Variants in GRB14 observed in about 807,000 individuals in gnomAD.
GRB14 encodes the protein growth factor receptor-bound protein 14.
In GRB14, 38 loss-of-function variants were observed where a neutral mutation model predicts 69.1. That is an observed-to-expected ratio of 0.55 (90% CI 0.42 to 0.72). GRB14 has a LOEUF of 0.72. GRB14 is among the 30% of genes least tolerant of loss of function. The pLI, the probability that GRB14 is intolerant of heterozygous loss-of-function variation, is 0.00. For missense variants in GRB14, 666 were observed against 666.1 expected, an observed-to-expected ratio of 1.00 and a Z score of 0.00; for synonymous variants, 247 against 241.3, an observed-to-expected ratio of 1.02 and a Z score of -0.22.
At chr2:164,573,830 G>C in intron 2 of GRB14, 1 of 1,612,800 alleles carries the variant, frequency 6.2e-7, no homozygotes, top group Non-Finnish European at 8.5e-7. Flanking sequence ...CATGACTCCA[G>C]AAGAAGCTGA....
chr2:164,537,503 G>A (rs952809388), intron 3 of GRB14, among the ~76,000 whole-genome samples: 2 of 152,230 alleles, frequency 1.3e-5, no homozygotes, highest in African/African-American at 4.8e-5. Flanking sequence ...ATGAAGGGCA[G>A]ACAGGTCACA....
At chr2:164,513,802 C>T (rs139018977) in intron 6 of GRB14, among the ~76,000 whole-genome samples, 2 of 152,258 alleles carry the variant, frequency 1.3e-5, no homozygotes, top group East Asian at 1.9e-4. Flanking sequence ...AAAGAAGCAA[C>T]AGTGTTGTCA....
chr2:164,615,380 A>T (rs1285751713), intron 2 of GRB14, among the ~76,000 whole-genome samples: 1 of 152,226 alleles, frequency 6.6e-6, no homozygotes, highest in African/African-American at 2.4e-5. Flanking sequence ...AAGAAATAAA[A>T]AGAGGAATTC....
chr2:164,502,338 G>A lies in GRB14; in HGVS notation c.1024-3C>T, dbSNP rs1687078790. The stretch of plus-strand genomic sequence containing the variant: ...TTCTGGTACAGCTGCATGCCATACT[G>A]CAGAATAAATAAATAAAACACATTC... On this transcript the variant is annotated splice_region_variant and splice_polypyrimidine_tract_variant and intron_variant, in intron 8 of 13. Transcript: ENST00000263915. The A allele has an allele frequency of 6.6e-7, 1 of 1,522,020 alleles. No individual in the cohort carries two copies. The highest frequency in any genetic ancestry group is 9.1e-7 in the Non-Finnish European group (1 of 1,098,988). The allele number at this position is 1,522,020 out of a possible 1,614,324, so 94.3% of individuals were successfully genotyped here. A position where few individuals can be genotyped will look rare whatever the true frequency, so the allele number is the denominator to read the frequency against.
chr2:164,585,724 A>AAAAT (rs890882441), intron 2 of GRB14, among the ~76,000 whole-genome samples: 2 of 152,224 alleles, frequency 1.3e-5, no homozygotes, highest in African/African-American at 4.8e-5. Flanking sequence ...TAAAGCTGAA[A>AAAAT]AAATAAATAA....
chr2:164,517,547 G>C (rs925570991), intron 6 of GRB14, among the ~76,000 whole-genome samples: 2 of 152,170 alleles, frequency 1.3e-5, no homozygotes, highest in Non-Finnish European at 2.9e-5. Context: ...TGGCCTAAAT[G>C]TTCCACTTAA....
chr2:164,565,238 A>G (rs1688940110), intron 2 of GRB14, among the ~76,000 whole-genome samples: 1 of 151,720 alleles, frequency 6.6e-6, no homozygotes, highest in South Asian at 2.1e-4. Context: ...TAATGTGCCA[A>G]TCTGGAGTTC....
chr2:164,498,303 T>C (rs1415818544), intron 9 of GRB14, among the ~76,000 whole-genome samples: 1 of 152,182 alleles, frequency 6.6e-6, no homozygotes, highest in Non-Finnish European at 1.5e-5. Context: ...AAGTCATTGT[T>C]TTTGCTAACT....
rs375955896 is a variant in GRB14, at chr2:164,521,986, T to C, written c.810A>G (p.Thr270=). The C allele has an allele frequency of 1.9e-6, 3 of 1,599,830 alleles. No homozygotes were observed. The highest frequency in any genetic ancestry group is 2.7e-5 in the African/African-American group (2 of 74,240). ...RSGLYFSTKG[T]SKEPRHLQFF... is the part of the protein sequence containing the mutation. ...CATGGATACTTCAATTTACCTTTGA[T>C]GTTCCTTTAGTAGAAAAATATAAAC... The change falls in exon 6 of 14, where the codon ACA becomes ACG. Residue 270 remains threonine, a synonymous_variant. Coordinates refer to ENST00000263915, the MANE Select transcript of GRB14 (RefSeq NM_004490.3).
At chr2:164,578,552 A>G (rs1689312671) in intron 2 of GRB14, among the ~76,000 whole-genome samples, 1 of 151,424 alleles carries the variant, frequency 6.6e-6, no homozygotes, top group Non-Finnish European at 1.5e-5. Flanking sequence ...ACACACACAC[A>G]ATATACCACT....
chr2:164,599,983 A>C (rs1689876306), intron 2 of GRB14, among the ~76,000 whole-genome samples: 2 of 152,214 alleles, frequency 1.3e-5, no homozygotes, highest in African/African-American at 4.8e-5. Flanking sequence ...TTAACTTATA[A>C]AAACTTCACA....
intron 2 of GRB14, among the ~76,000 whole-genome samples, chr2:164,603,514 A>C (rs1689972490): frequency 6.6e-6 from 1 of 151,950 alleles, no homozygotes; most frequent in African/African-American, 2.4e-5. Context: ...AAATACAAAA[A>C]TTAGCTGGGT....
At chr2:164,615,320 G>A (rs750947473) in intron 2 of GRB14, among the ~76,000 whole-genome samples, 13 of 152,060 alleles carry the variant, frequency 8.5e-5, no homozygotes, top group Non-Finnish European at 1.9e-4. Flanking sequence ...CCAATTTTAG[G>A]GAGAAGATGG....
At chr2:164,579,032 T>TAAA (rs577699812) in intron 2 of GRB14, among the ~76,000 whole-genome samples, 2 of 151,898 alleles carry the variant, frequency 1.3e-5, no homozygotes, top group African/African-American at 4.8e-5. Context: ...AGTGTCCAAT[T>TAAA]TAAAAAAAAA....
intron 2 of GRB14, among the ~76,000 whole-genome samples, chr2:164,608,142 C>G (rs552631784): frequency 4.3e-4 from 66 of 152,214 alleles, no homozygotes; most frequent in Admixed American, 1.1e-3. Flanking sequence ...GAGGCCGAGG[C>G]GGGCAGATCA....
At chr2:164,595,997 G>C (rs949965588) in intron 2 of GRB14, among the ~76,000 whole-genome samples, 1 of 152,060 alleles carries the variant, frequency 6.6e-6, no homozygotes, top group Non-Finnish European at 1.5e-5. Flanking sequence ...GGTGGCATGC[G>C]CCTGTAGTCC....
chr2:164,533,526 C>T (rs748172481), intron 3 of GRB14, among the ~76,000 whole-genome samples: 1 of 152,090 alleles, frequency 6.6e-6, no homozygotes, highest in Non-Finnish European at 1.5e-5. Context: ...GGCCCCAATT[C>T]TTTTATTTTG....
At chr2:164,591,877 C>T (rs1689672364) in intron 2 of GRB14, among the ~76,000 whole-genome samples, 1 of 151,970 alleles carries the variant, frequency 6.6e-6, no homozygotes, top group African/African-American at 2.4e-5. Context: ...GTGGGAGGGA[C>T]CCAGTGGGAG....
intron 2 of GRB14, among the ~76,000 whole-genome samples, chr2:164,596,217 C>T (rs542797122): frequency 6.6e-6 from 1 of 152,344 alleles, no homozygotes; most frequent in South Asian, 2.1e-4. Context: ...GCTTAACATA[C>T]AATCACAAAT....
Sources: gnomAD v4.1 joint callset for allele counts (sites outside exome capture counted in the v4.1 genomes callset) on GRCh38, gnomAD v4.1.1 for gene constraint, MANE v1.5 for transcripts, NCBI Gene and HGNC (gene_info 2026-07-23, HGNC 2026-07-21) for gene names.